CLVS1: variants seen among roughly 807,000 people sequenced by gnomAD.
CLVS1 encodes clavesin 1.
CLVS1 carries 10 observed loss-of-function variants against 33.1 expected under a neutral mutation model. That is an observed-to-expected ratio of 0.30 (90% CI 0.19 to 0.51). The LOEUF is 0.51. Among genes scored for constraint, CLVS1 ranks in the 20% least tolerant of loss-of-function variants. The probability of loss-of-function intolerance (pLI) is 0.97; values close to 1 mark genes in which losing one functional copy is unlikely to be tolerated. For missense variants in CLVS1, 343 were observed against 433.4 expected, an observed-to-expected ratio of 0.79 and a Z score of 1.85; for synonymous variants, 163 against 166.1, an observed-to-expected ratio of 0.98 and a Z score of 0.14.
At chr8:61,022,640 A>C in the CLVS1 span, among the ~76,000 whole-genome samples, 1 of 152,196 alleles carries the variant, frequency 6.6e-6, no homozygotes, top group Non-Finnish European at 1.5e-5. Context: ...GTTTTCCAGG[A>C]AAGCTGTCAT....
At chr8:61,123,780 C>G (rs1013524186) in intron 1 of CLVS1, among the ~76,000 whole-genome samples, 2 of 152,120 alleles carry the variant, frequency 1.3e-5, no homozygotes, top group African/African-American at 2.4e-5. Flanking sequence ...CTCACTCAGC[C>G]AGGCTGGCAT....
the CLVS1 span, among the ~76,000 whole-genome samples, chr8:61,005,410 T>C: frequency 1.4e-5 from 2 of 146,506 alleles, no homozygotes; most frequent in South Asian, 2.2e-4. Flanking sequence ...AACAACAGGG[T>C]GGCTTTTTTT....
chr8:61,237,168 A>G (rs1808583443), intron 2 of CLVS1, among the ~76,000 whole-genome samples: 1 of 152,228 alleles, frequency 6.6e-6, no homozygotes, highest in East Asian at 1.9e-4. Flanking sequence ...AACTAAAGTC[A>G]AACCACAGGA....
chr8:60,991,137 T>G, the CLVS1 span, among the ~76,000 whole-genome samples: 7 of 152,172 alleles, frequency 4.6e-5, no homozygotes, highest in African/African-American at 9.7e-5. Context: ...CTAAGTAATA[T>G]TAATAATAAC....
At chr8:61,357,489 CTTTTCTTTTTTT>C (rs1812774415) in intron 2 of CLVS1, among the ~76,000 whole-genome samples, 1 of 30,284 alleles carries the variant, frequency 3.3e-5, no homozygotes, top group South Asian at 1.4e-3. Context: ...TTTCCTTTTT[CTTTTCTTTTTTT>C]TTTTTTTTTT....
chr8:61,107,516 T>C (rs1805559322), intron 1 of CLVS1, among the ~76,000 whole-genome samples: 1 of 152,198 alleles, frequency 6.6e-6, no homozygotes, highest in Admixed American at 6.5e-5. Flanking sequence ...AAGGCACTAA[T>C]GCCCTTCATG....
At chr8:61,340,382 G>A (rs1479303670) in intron 2 of CLVS1, among the ~76,000 whole-genome samples, 2 of 152,142 alleles carry the variant, frequency 1.3e-5, no homozygotes, top group Non-Finnish European at 2.9e-5. Flanking sequence ...CCCTTCTACT[G>A]TCTACTTCTG....
intron 2 of CLVS1, among the ~76,000 whole-genome samples, chr8:61,183,934 G>T (rs1325070430): frequency 6.6e-6 from 1 of 152,160 alleles, no homozygotes; most frequent in Non-Finnish European, 1.5e-5. Context: ...CCTCATATAA[G>T]AATATAACGT....
At chr8:61,176,852 G>A (rs1563432158) in intron 2 of CLVS1, among the ~76,000 whole-genome samples, 1 of 152,174 alleles carries the variant, frequency 6.6e-6, no homozygotes, top group Non-Finnish European at 1.5e-5. Flanking sequence ...CCACTCATGA[G>A]CCCACACCAT....
At chr8:61,353,001 C>A (rs537815114) in intron 2 of CLVS1, among the ~76,000 whole-genome samples, 1 of 152,060 alleles carries the variant, frequency 6.6e-6, no homozygotes, top group East Asian at 1.9e-4. Flanking sequence ...AACCAATTTC[C>A]TGTGGATATT....
chr8:61,164,198 G>A (rs1319081967), intron 2 of CLVS1, among the ~76,000 whole-genome samples: 3 of 152,202 alleles, frequency 2.0e-5, no homozygotes, highest in Non-Finnish European at 4.4e-5. Context: ...GATGGGTGCG[G>A]TCACCTTCCC....
At chr8:61,205,267 T>A (rs183556999) in intron 2 of CLVS1, among the ~76,000 whole-genome samples, 2 of 152,146 alleles carry the variant, frequency 1.3e-5, no homozygotes, top group Non-Finnish European at 2.9e-5. Flanking sequence ...TCTTTCCAAA[T>A]TGACATTCTG....
chr8:61,236,573 CA>C (rs1808564592), intron 2 of CLVS1, among the ~76,000 whole-genome samples: 1 of 152,106 alleles, frequency 6.6e-6, no homozygotes, highest in Non-Finnish European at 1.5e-5. Flanking sequence ...TTTACAAATG[CA>C]GCAGCAGCAG....
intron 2 of CLVS1, among the ~76,000 whole-genome samples, chr8:61,334,543 AT>A (rs1319315540): frequency 6.6e-6 from 1 of 152,228 alleles, no homozygotes; most frequent in Non-Finnish European, 1.5e-5. Flanking sequence ...AATCAGGTAA[AT>A]TTAACACTGT....
At chr8:61,415,050 G>A (rs961076290) in intron 3 of CLVS1, among the ~76,000 whole-genome samples, 1 of 152,260 alleles carries the variant, frequency 6.6e-6, no homozygotes, top group Non-Finnish European at 1.5e-5. Flanking sequence ...CCAAAAAACC[G>A]AGCGATTGCA....
At chr8:61,468,364 T>TA (rs1385826481) in intron 5 of CLVS1, among the ~76,000 whole-genome samples, 3 of 152,186 alleles carry the variant, frequency 2.0e-5, no homozygotes, top group East Asian at 3.8e-4. Context: ...ACTAAGATTT[T>TA]AAAAAATGTT....
chr8:61,040,255 C>T, the CLVS1 span, among the ~76,000 whole-genome samples: 4 of 100,860 alleles, frequency 4.0e-5, no homozygotes, highest in Non-Finnish European at 7.3e-5. Flanking sequence ...TGATGTGCAC[C>T]TGGATTGATT....
the CLVS1 span, among the ~76,000 whole-genome samples, chr8:61,010,938 A>G: frequency 1.1e-3 from 165 of 152,334 alleles, no homozygotes; most frequent in Middle Eastern, 6.8e-3. Flanking sequence ...CATTTCATGC[A>G]GGGCCCGGCA....
At chr8:61,110,176 G>C (rs759941581) in intron 1 of CLVS1, among the ~76,000 whole-genome samples, 3 of 152,162 alleles carry the variant, frequency 2.0e-5, no homozygotes, top group African/African-American at 7.2e-5. Flanking sequence ...CACCACCAGT[G>C]GGGTCGGCCT....
Sources: allele counts gnomAD v4.1 joint callset (sites outside exome capture counted in the v4.1 genomes callset), GRCh38; gene constraint gnomAD v4.1.1; transcripts MANE v1.5; gene names NCBI Gene and HGNC (gene_info 2026-07-23, HGNC 2026-07-21).